Variants in GON4L observed in about 807,000 individuals in gnomAD.
GON4L encodes the protein gon-4 like, also known as GON-4-like protein.
Under a neutral mutation model 211.8 loss-of-function variants are expected in GON4L, and 87 were observed. The observed-to-expected ratio is 0.41, with a 90% confidence interval of 0.35 to 0.49. GON4L has a LOEUF of 0.49. Among genes scored for constraint, GON4L ranks in the 20% least tolerant of loss-of-function variants. The pLI is 0.15. For synonymous variants in GON4L, 875 were observed against 962.6 expected (o/e 0.91, Z 1.68); for missense variants, 2,155 against 2,659.5 (o/e 0.81, Z 4.17).
intron 12 of GON4L, among the ~76,000 whole-genome samples, chr1:155,792,718 T>G (rs4612618): frequency 0.051 from 7,700 of 152,180 alleles, 227 homozygotes; most frequent in African/African-American, 0.059. Flanking sequence ...TAAGCAGATG[T>G]TTCTTTACTT....
At chr1:155,831,192 G>A (rs564565078) in intron 2 of GON4L, among the ~76,000 whole-genome samples, 2 of 152,228 alleles carry the variant, frequency 1.3e-5, no homozygotes, top group African/African-American at 4.8e-5. Context: ...CCAGCTACTT[G>A]GGAGGCTAAG....
At chr1:155,840,996 T>C (rs1403424305) in intron 2 of GON4L, among the ~76,000 whole-genome samples, 1 of 152,142 alleles carries the variant, frequency 6.6e-6, no homozygotes, top group Admixed American at 6.5e-5. Context: ...GATCATGCCA[T>C]GGCACTCCGG....
At chr1:155,831,593 T>C (rs957474647) in intron 2 of GON4L, 2 of 151,958 alleles carry the variant, frequency 1.3e-5, no homozygotes, top group Non-Finnish European at 2.9e-5. Flanking sequence ...CCAGGAATTG[T>C]AGGTTGCAGT....
intron 2 of GON4L, among the ~76,000 whole-genome samples, chr1:155,827,891 C>T (rs1230514569): frequency 6.6e-6 from 1 of 152,082 alleles, no homozygotes; most frequent in Non-Finnish European, 1.5e-5. Flanking sequence ...CACCTGTAAT[C>T]CCATTACTTT....
At chr1:155,814,572 C>G in intron 8 of GON4L, 123 bp from the exon 9 acceptor site, 1 of 1,022,060 alleles carries the variant, frequency 9.8e-7, no homozygotes, top group Non-Finnish European at 1.5e-6. Context: ...ATGGTGAACA[C>G]CCGTCTCTGC....
rs1667980134 is a variant in GON4L, at chr1:155,813,619, A to T, written c.1452+15T>A. ...CCACTTGACTTTCTCAGTTAAGTAC[A>T]GTTTTAATATTTACCTGGAAAGAAT... is the stretch of plus-strand genomic sequence containing the variant. On this transcript the variant is annotated intron_variant, in intron 10 of 31. Transcript: ENST00000368331. 2 of 1,593,188 alleles carry T rather than the reference A, an allele frequency of 1.3e-6. No homozygotes were observed. Among genetic ancestry groups the T allele is most frequent in the Non-Finnish European group, 1.7e-6 (2 of 1,160,940 alleles).
chr1:155,803,164 G>A (rs1047509673), intron 11 of GON4L, among the ~76,000 whole-genome samples: 3 of 151,838 alleles, frequency 2.0e-5, no homozygotes, highest in East Asian at 3.8e-4. Flanking sequence ...TACATTCAAG[G>A]ACCTGTTATT....
At chr1:155,832,096 G>A (rs568375454) in intron 2 of GON4L, among the ~76,000 whole-genome samples, 64 of 151,450 alleles carry the variant, frequency 4.2e-4, no homozygotes, top group South Asian at 1.3e-3. Context: ...CCAACATGGC[G>A]AAACCCTATC....
At chr1:155,813,499 G>T in intron 10 of GON4L, 135 bp downstream of exon 10, 1 of 734,162 alleles carries the variant, frequency 1.4e-6, no homozygotes, top group Non-Finnish European at 2.4e-6. Context: ...AATAGCACTA[G>T]CCAAATACAA....
chr1:155,745,252 TA>T (rs1286084518), downstream of GON4L, among the ~76,000 whole-genome samples: 1 of 152,154 alleles, frequency 6.6e-6, no homozygotes, highest in Non-Finnish European at 1.5e-5. Flanking sequence ...CAGACGCCAA[TA>T]CTCTATTTAC....
chr1:155,795,228 T>G (rs780230658), intron 11 of GON4L, 77 bp from the exon 12 acceptor site: 120 of 882,074 alleles, frequency 1.4e-4, no homozygotes, highest in Non-Finnish European at 2.1e-4. Flanking sequence ...TAAAGCACAT[T>G]TATTCTTTAT....
At chr1:155,824,971 A>T (rs940016497) in intron 3 of GON4L, among the ~76,000 whole-genome samples, 4 of 151,718 alleles carry the variant, frequency 2.6e-5, no homozygotes, top group African/African-American at 9.7e-5. Context: ...AACATAGTGA[A>T]AACCGTCTCT....
intron 27 of GON4L, among the ~76,000 whole-genome samples, 189 bp from the exon 28 acceptor site, chr1:155,754,677 G>A (rs2101634323): frequency 6.6e-6 from 1 of 151,496 alleles, no homozygotes; most frequent in Non-Finnish European, 1.5e-5. Flanking sequence ...TTACAGGTAT[G>A]CGCCACCACA....
chr1:155,849,779 A>G (rs1273913787), intron 2 of GON4L, among the ~76,000 whole-genome samples: 6 of 148,816 alleles, frequency 4.0e-5, no homozygotes, highest in Admixed American at 1.3e-4. Flanking sequence ...GTCTCAAAAA[A>G]AAAAAAAAAA....
At chr1:155,825,872 G>A (rs1048460253) in intron 3 of GON4L, among the ~76,000 whole-genome samples, 4 of 150,478 alleles carry the variant, frequency 2.7e-5, no homozygotes, top group African/African-American at 9.7e-5. Context: ...GTGAAACCCC[G>A]TCTCTACAAA....
intron 28 of GON4L, 41 bp from the exon 29 acceptor site, chr1:155,753,455 C>T (rs1447157489): frequency 6.7e-7 from 1 of 1,491,828 alleles, no homozygotes; most frequent in Non-Finnish European, 9.3e-7. Context: ...TTCTGACTGC[C>T]TATGTCTTTG....
chr1:155,853,559 C>T lies in GON4L; in HGVS notation c.222G>A (p.Glu74=), dbSNP rs1298358014. The T allele has an allele frequency of 1.9e-6, 3 of 1,614,154 alleles. No individual in the cohort carries two copies. The South Asian group carries it at 3.3e-5, about 18-fold the overall frequency. ...LQDAGNQLGM[E]DTSLSSGMLT... ...GCATTCCAGAGCTCAGAGATGTATCCTCCATACCAAGCTGATTTCCTGCAT... is the reference window on the plus strand; with the variant it reads ...GCATTCCAGAGCTCAGAGATGTATCTTCCATACCAAGCTGATTTCCTGCAT... The change falls in exon 2 of 32, where the codon GAG becomes GAA. Residue 74 remains glutamate (E), a synonymous_variant. Coordinates refer to ENST00000368331, the MANE Select transcript of GON4L (RefSeq NM_001282860.2).
At chr1:155,801,869 C>T (rs1349628283) in intron 11 of GON4L, among the ~76,000 whole-genome samples, 1 of 151,716 alleles carries the variant, frequency 6.6e-6, no homozygotes, top group Non-Finnish European at 1.5e-5. Flanking sequence ...GGCGACAGAG[C>T]GAGACTCTGT....
chr1:155,840,733 G>A (rs1670694954), intron 2 of GON4L, among the ~76,000 whole-genome samples: 1 of 152,176 alleles, frequency 6.6e-6, no homozygotes, highest in Admixed American at 6.5e-5. Flanking sequence ...GGCAAAAGGG[G>A]CAAAGTAAAC....
Sources: allele counts gnomAD v4.1 joint callset (sites outside exome capture counted in the v4.1 genomes callset), GRCh38; gene constraint gnomAD v4.1.1; transcripts MANE v1.5; gene names NCBI Gene and HGNC (gene_info 2026-07-23, HGNC 2026-07-21).